Variants in THEMIS observed in about 807,000 individuals in gnomAD.
THEMIS encodes the protein protein THEMIS.
Under a neutral mutation model 52.6 loss-of-function variants are expected in THEMIS, and 37 were observed. That is an observed-to-expected ratio of 0.70 (90% CI 0.54 to 0.93). The LOEUF is 0.93. Among genes scored for constraint, THEMIS ranks in the 40% least tolerant of loss-of-function variants. The pLI, the probability that THEMIS is intolerant of heterozygous loss-of-function variation, is 0.00. For synonymous variants in THEMIS, 292 were observed against 272.7 expected (o/e 1.07, Z -0.70); for missense variants, 808 against 763.1 (o/e 1.06, Z -0.69).
At chr6:127,734,138 G>T (rs922977447) in intron 4 of THEMIS, among the ~76,000 whole-genome samples, 1 of 152,164 alleles carries the variant, frequency 6.6e-6, no homozygotes, top group Non-Finnish European at 1.5e-5. Context: ...ATAGATTAAA[G>T]AAGATTTTAA....
At chr6:127,895,781 C>T (rs868461032) in intron 1 of THEMIS, among the ~76,000 whole-genome samples, 6 of 151,358 alleles carry the variant, frequency 4.0e-5, no homozygotes, top group Non-Finnish European at 8.9e-5. Context: ...GAAAATTCTA[C>T]TAAATATTTA....
chr6:127,879,683 C>T (rs1425280706), intron 1 of THEMIS, among the ~76,000 whole-genome samples: 3 of 148,208 alleles, frequency 2.0e-5, no homozygotes, highest in Non-Finnish European at 4.5e-5. Flanking sequence ...AAAAAATGAG[C>T]AAATTATTTG....
the THEMIS span, among the ~76,000 whole-genome samples, chr6:127,698,840 TA>T: frequency 5.3e-4 from 81 of 151,628 alleles, no homozygotes; most frequent in African/African-American, 1.8e-3. Flanking sequence ...TTGTATGGCT[TA>T]AAAAAAATCA....
chr6:127,868,834 C>T (rs1236998278), intron 1 of THEMIS, among the ~76,000 whole-genome samples: 1 of 152,092 alleles, frequency 6.6e-6, no homozygotes, highest in East Asian at 1.9e-4. Context: ...AATACATAAA[C>T]TTCATTTGCT....
intron 4 of THEMIS, among the ~76,000 whole-genome samples, chr6:127,733,342 G>T (rs375457816): frequency 6.6e-6 from 1 of 152,024 alleles, no homozygotes; most frequent in Non-Finnish European, 1.5e-5. Flanking sequence ...TCTTTAATCC[G>T]CAGGTTGTTT....
chr6:127,760,995 CA>C (rs1776003154), intron 4 of THEMIS, among the ~76,000 whole-genome samples: 1 of 151,944 alleles, frequency 6.6e-6, no homozygotes, highest in East Asian at 1.9e-4. Flanking sequence ...AAACAATTGA[CA>C]AAATAATAAG....
chr6:127,703,035 G>GTTTTTTTTTTTTTTTTTTTTTTTTT, the THEMIS span, among the ~76,000 whole-genome samples: 7 of 82,382 alleles, frequency 8.5e-5, no homozygotes, highest in Non-Finnish European at 1.3e-4. Context: ...TTTAGAATGA[G>GTTTTTTTTTTTTTTTTTTTTTTTTT]TTTTTTTTTT....
intron 4 of THEMIS, among the ~76,000 whole-genome samples, chr6:127,772,320 T>C (rs1451729372): frequency 1.3e-5 from 2 of 152,114 alleles, no homozygotes; most frequent in Admixed American, 1.3e-4. Flanking sequence ...TTTTTCATTT[T>C]TGCCCCTGGT....
At chr6:127,850,086 C>G (rs1021994490) in intron 2 of THEMIS, among the ~76,000 whole-genome samples, 11 of 151,896 alleles carry the variant, frequency 7.2e-5, no homozygotes, top group African/African-American at 2.7e-4. Flanking sequence ...ATGACATGAA[C>G]AGCTATTTCT....
chr6:127,910,496 C>G (rs1474909361), intron 1 of THEMIS, among the ~76,000 whole-genome samples: 1 of 152,088 alleles, frequency 6.6e-6, no homozygotes, highest in African/African-American at 2.4e-5. Context: ...AACGTTATTT[C>G]CAGAATAAAG....
intron 4 of THEMIS, among the ~76,000 whole-genome samples, chr6:127,803,321 A>G (rs1777598400): frequency 2.0e-5 from 3 of 152,268 alleles, no homozygotes; most frequent in Admixed American, 6.5e-5. Flanking sequence ...TCACCCGAAA[A>G]TGTTCCTCTT....
chr6:127,769,635 T>C (rs1776311969), intron 4 of THEMIS, among the ~76,000 whole-genome samples: 2 of 152,142 alleles, frequency 1.3e-5, no homozygotes, highest in South Asian at 4.1e-4. Context: ...TGCTTACATA[T>C]ATATATATTT....
Position 127,792,096 on chromosome 6 carries a change from CCA to C in THEMIS, c.1758+20785_1758+20786del, listed in dbSNP as rs1343170726. Among the ~76,000 whole-genome samples, 6 of 152,288 alleles carry C rather than the reference CCA, an allele frequency of 3.9e-5. No individual in the cohort carries two copies. In the East Asian group the frequency reaches 1.2e-3, roughly 30 times the overall value. Reference sequence around the variant, plus strand: ...CATGGCTTCCACCTGTTCCCGGCTCCCACCAGTTCTATGGAGCACTCAGCCCT... The same window carrying C: ...CATGGCTTCCACCTGTTCCCGGCTCCCCAGTTCTATGGAGCACTCAGCCCT... On this transcript the variant is annotated intron_variant, in intron 4 of 5. Coordinates refer to ENST00000368248, the MANE Select transcript of THEMIS (RefSeq NM_001010923.3).
rs1316241464 is a variant in THEMIS, at chr6:127,708,987, T to A, written c.*998A>T. 1 of 151,980 alleles carries A rather than the reference T, an allele frequency of 6.6e-6. No individual in the cohort carries two copies. The highest frequency in any genetic ancestry group is 2.4e-5 in the African/African-American group (1 of 41,428). 9.4% of individuals were successfully genotyped at this position (151,980 alleles called of 1,614,324 possible). On this transcript the variant is annotated 3_prime_UTR_variant, in exon 6 of 6. Transcript: ENST00000368248. ...AAATTCCTATGTAACATTAACCAGATAGCCTGTCTCTTCATTTTGTTAAAG... is the reference window on the plus strand; with the variant it reads ...AAATTCCTATGTAACATTAACCAGAAAGCCTGTCTCTTCATTTTGTTAAAG...
intron 2 of THEMIS, among the ~76,000 whole-genome samples, chr6:127,849,146 C>A (rs571002637): frequency 1.3e-5 from 2 of 152,120 alleles, no homozygotes; most frequent in South Asian, 4.1e-4. Flanking sequence ...CTACATATGG[C>A]TAGCCAGTTT....
chr6:127,885,450 A>G (rs911551087), intron 1 of THEMIS, among the ~76,000 whole-genome samples: 1 of 152,110 alleles, frequency 6.6e-6, no homozygotes, highest in African/African-American at 2.4e-5. Flanking sequence ...CACCTTTCAC[A>G]TTGTATTATA....
At chr6:127,785,542 ATATT>A (rs1562256119) in intron 4 of THEMIS, among the ~76,000 whole-genome samples, 1 of 151,696 alleles carries the variant, frequency 6.6e-6, no homozygotes, top group East Asian at 1.9e-4. Flanking sequence ...TGTGTGGACT[ATATT>A]TATCTTCTTT....
chr6:127,913,922 G>T (rs755182005), intron 1 of THEMIS, among the ~76,000 whole-genome samples: 1 of 152,148 alleles, frequency 6.6e-6, no homozygotes, highest in Non-Finnish European at 1.5e-5. Context: ...TAAAATGGTG[G>T]AGGCCAAGTC....
At chr6:127,725,786 A>G (rs985884872) in intron 4 of THEMIS, among the ~76,000 whole-genome samples, 8 of 152,240 alleles carry the variant, frequency 5.3e-5, no homozygotes, top group Non-Finnish European at 8.8e-5. Context: ...GAGCTTGTTC[A>G]GCCCTATCCC....
Sources: gnomAD v4.1 joint callset for allele counts (sites outside exome capture counted in the v4.1 genomes callset) on GRCh38, gnomAD v4.1.1 for gene constraint, MANE v1.5 for transcripts, NCBI Gene and HGNC (gene_info 2026-07-23, HGNC 2026-07-21) for gene names.